Variants in ARHGAP10 observed in about 807,000 individuals in gnomAD.
The protein encoded by ARHGAP10 is Rho GTPase activating protein 10, also known as rho GTPase-activating protein 10.
A neutral mutation model predicts 108.6 loss-of-function variants in ARHGAP10; 87 were observed. The observed-to-expected ratio is 0.80, with a 90% CI of 0.67 to 0.96. ARHGAP10 has a LOEUF of 0.96. Among genes scored for constraint, ARHGAP10 ranks in the 40% least tolerant of loss-of-function variants. The pLI is 0.00. For synonymous variants in ARHGAP10, 347 were observed against 341.1 expected, an observed-to-expected ratio of 1.02 and a Z score of -0.19; for missense variants, 939 against 954.5, an observed-to-expected ratio of 0.98 and a Z score of 0.21.
At chr4:147,866,511 G>GA (rs1365513982) in intron 6 of ARHGAP10, 3 of 509,092 alleles carry the variant, frequency 5.9e-6, no homozygotes, top group African/African-American at 1.9e-5. Context: ...ATATTTAAGG[G>GA]AAAAAAGCAT....
At chr4:147,742,476 C>CTT (rs11420720) in intron 1 of ARHGAP10, among the ~76,000 whole-genome samples, 4,103 of 86,450 alleles carry the variant, frequency 0.047, 388 homozygotes, top group East Asian at 0.12. Context: ...TCTGTGAACA[C>CTT]TTTTTTTTTT....
At chr4:148,013,966 G>T (rs532580112) in intron 18 of ARHGAP10, among the ~76,000 whole-genome samples, 1 of 152,204 alleles carries the variant, frequency 6.6e-6, no homozygotes, top group South Asian at 2.1e-4. Flanking sequence ...TTGATCTTCT[G>T]TGCTGCTAGT....
chr4:148,060,406 A>G (rs1729565650), intron 20 of ARHGAP10, among the ~76,000 whole-genome samples: 1 of 145,692 alleles, frequency 6.9e-6, no homozygotes, highest in African/African-American at 2.6e-5. Context: ...TTTGGGAGAC[A>G]CTGTGAAACA....
intron 20 of ARHGAP10, among the ~76,000 whole-genome samples, chr4:148,052,311 T>C (rs1428579169): frequency 7.3e-6 from 1 of 136,804 alleles, no homozygotes; most frequent in Non-Finnish European, 1.5e-5. Flanking sequence ...CAGTTCACCC[T>C]AGAAGTTGGT....
intron 4 of ARHGAP10, among the ~76,000 whole-genome samples, 199 bp from the exon 5 acceptor site, chr4:147,857,354 A>G (rs1734134460): frequency 6.6e-6 from 1 of 152,200 alleles, no homozygotes; most frequent in Non-Finnish European, 1.5e-5. Flanking sequence ...AAGAAATAAA[A>G]GTGTCTCTTC....
chr4:147,846,804 G>A (rs1733653169), intron 3 of ARHGAP10, among the ~76,000 whole-genome samples: 1 of 152,132 alleles, frequency 6.6e-6, no homozygotes, highest in Admixed American at 6.5e-5. Context: ...TTCTAAGGAG[G>A]GGGAAGGAAA....
chr4:147,983,431 C>T (rs188121069), intron 18 of ARHGAP10, among the ~76,000 whole-genome samples: 11 of 152,122 alleles, frequency 7.2e-5, no homozygotes, highest in East Asian at 5.8e-4. Flanking sequence ...GTGATCCGCC[C>T]GCCTCCTCCT....
chr4:147,819,347 GTA>G (rs1732389178), intron 1 of ARHGAP10, among the ~76,000 whole-genome samples: 1 of 151,970 alleles, frequency 6.6e-6, no homozygotes, highest in African/African-American at 2.4e-5. Context: ...AAACATGTTC[GTA>G]TATATTATGT....
Position 147,881,837 on chromosome 4 carries a change from G to C in ARHGAP10, c.940-1G>C. 2 of 1,613,490 alleles carry C rather than the reference G, an allele frequency of 1.2e-6. No homozygotes were observed. The highest frequency in any genetic ancestry group is 1.7e-6 in the Non-Finnish European group (2 of 1,179,688). On this transcript the variant is annotated splice_acceptor_variant, in intron 9 of 22. Transcript: ENST00000336498. LOFTEE classifies it high-confidence loss of function. Reference sequence around the variant, plus strand: ...AGAATGTTCAAAATGATTATTTGCAGGGGGACGGAGAGGTGTTCTTTTTGA... The same window carrying C: ...AGAATGTTCAAAATGATTATTTGCACGGGGACGGAGAGGTGTTCTTTTTGA...
intron 10 of ARHGAP10, among the ~76,000 whole-genome samples, chr4:147,901,559 A>G (rs148783630): frequency 1.1e-3 from 163 of 152,328 alleles, no homozygotes; most frequent in African/African-American, 3.8e-3. Context: ...GCTGGCTTCC[A>G]CAAAGGGCTG....
intron 18 of ARHGAP10, among the ~76,000 whole-genome samples, chr4:147,991,145 T>TAAAAAAAA: frequency 7.8e-6 from 1 of 129,026 alleles, no homozygotes; most frequent in African/African-American, 3.1e-5. Flanking sequence ...CCCCTGAACC[T>TAAAAAAAA]AAAAAAAAAA....
chr4:147,827,081 T>G (rs1470641102), intron 3 of ARHGAP10, among the ~76,000 whole-genome samples: 1 of 152,152 alleles, frequency 6.6e-6, no homozygotes, highest in Non-Finnish European at 1.5e-5. Context: ...AAGTTATCAG[T>G]GAGTTGCAAT....
intron 13 of ARHGAP10, among the ~76,000 whole-genome samples, chr4:147,931,875 C>A (rs376849784): frequency 2.0e-5 from 3 of 152,198 alleles, no homozygotes; most frequent in East Asian, 3.9e-4. Context: ...AAACTATCAC[C>A]AGAGCAAACA....
intron 13 of ARHGAP10, among the ~76,000 whole-genome samples, chr4:147,936,516 A>AGACG (rs1263933275): frequency 2.0e-5 from 3 of 150,926 alleles, no homozygotes; most frequent in African/African-American, 7.3e-5. Flanking sequence ...TTTTTAGTAG[A>AGACG]GACGGGGTTT....
chr4:147,825,531 T>C (rs1732673368), intron 3 of ARHGAP10, among the ~76,000 whole-genome samples: 2 of 152,160 alleles, frequency 1.3e-5, no homozygotes, highest in African/African-American at 4.8e-5. Context: ...GTAATTTGTG[T>C]GTATATATTG....
At chr4:147,795,093 T>C (rs1731262354) in intron 1 of ARHGAP10, among the ~76,000 whole-genome samples, 1 of 152,204 alleles carries the variant, frequency 6.6e-6, no homozygotes, top group Non-Finnish European at 1.5e-5. Flanking sequence ...TTGTAGTTTT[T>C]TTCCTTAGAG....
At chr4:147,781,942 G>A (rs1398823473) in intron 1 of ARHGAP10, among the ~76,000 whole-genome samples, 6 of 152,036 alleles carry the variant, frequency 3.9e-5, no homozygotes, top group South Asian at 2.1e-4. Context: ...TTCCACATTG[G>A]AAAACTGACA....
chr4:147,935,260 A>G (rs1037150855), intron 13 of ARHGAP10, among the ~76,000 whole-genome samples: 1 of 152,202 alleles, frequency 6.6e-6, no homozygotes, highest in Non-Finnish European at 1.5e-5. Flanking sequence ...TGTTAAGGCT[A>G]GAGGATGTGG....
chr4:147,813,462 G>C (rs1421263887), intron 1 of ARHGAP10, among the ~76,000 whole-genome samples: 2 of 152,172 alleles, frequency 1.3e-5, no homozygotes, highest in Non-Finnish European at 2.9e-5. Flanking sequence ...TGATTCTCTT[G>C]AGAATTTTAA....
Sources: allele counts gnomAD v4.1 joint callset (sites outside exome capture counted in the v4.1 genomes callset), GRCh38; gene constraint gnomAD v4.1.1; transcripts MANE v1.5; gene names NCBI Gene and HGNC (gene_info 2026-07-23, HGNC 2026-07-21).